Variants in ABI3BP observed in about 807,000 individuals in gnomAD.
The protein encoded by ABI3BP is ABI family member 3 binding protein, also known as target of Nesh-SH3.
In ABI3BP, 216 loss-of-function variants were observed where a neutral mutation model predicts 268.6. The ratio of observed to expected loss-of-function variants is 0.80; its 90% confidence interval spans 0.72 to 0.90. The LOEUF (loss-of-function observed/expected upper bound fraction) is 0.90. ABI3BP is among the 40% of genes least tolerant of loss of function. The pLI is 0.00. For missense variants in ABI3BP, 2,090 were observed against 2,182.4 expected (o/e 0.96, Z 0.84); for synonymous variants, 730 against 730.0 (o/e 1.00, Z 0.00).
Position 100,816,720 on chromosome 3 carries a change from G to A in ABI3BP, c.3197C>T (p.Thr1066Ile). The part of the protein sequence containing the change: ...TRRPRPRPKT[T>I]SSPEVPQNKS... Reference sequence around the variant, plus strand: ...GTTCTGAGGTACTTCAGGACTTGATGTAGTTTTGGGTCTGGGACGGGGACG... The same window carrying A: ...GTTCTGAGGTACTTCAGGACTTGATATAGTTTTGGGTCTGGGACGGGGACG... The change falls in exon 43 of 68, where the codon ACA becomes ATA. Residue 1066 changes from threonine to isoleucine, a missense_variant. By Grantham distance (89) the Thr-to-Ile change is moderately conservative. Coordinates refer to ENST00000471714, the MANE Select transcript of ABI3BP (RefSeq NM_001375547.2). 1.3e-6 allele frequency: 2 copies of A among 1,535,908 alleles called. No homozygotes were observed. The highest frequency in any genetic ancestry group is 8.7e-7 in the Non-Finnish European group (1 of 1,146,706).
In ABI3BP at chr3:100,850,061, C is replaced by A. The variant is rs371317823; in HGVS notation, c.1485G>T (p.Met495Ile). Reference protein sequence around the residue: ...QKLEIFTSPEMQPTTPAPQQT... With the variant: ...QKLEIFTSPEIQPTTPAPQQT... ...ATTAGTTACCAGGTGTCGTAGGCTG[C>A]ATTTCTGGACTGGTAAAGATTTCCA... Residue 495 changes from methionine to isoleucine, a missense_variant, in exon 17 of 68, where the codon ATG becomes ATT. Coordinates refer to ENST00000471714, the MANE Select transcript of ABI3BP (RefSeq NM_001375547.2). 5 of 1,611,322 alleles carry A rather than the reference C, an allele frequency of 3.1e-6. No individual in the cohort carries two copies. Among genetic ancestry groups the A allele is most frequent in the Non-Finnish European group, 4.2e-6 (5 of 1,178,928 alleles).
At chr3:100,956,718 G>C (rs1375582554) in intron 1 of ABI3BP, among the ~76,000 whole-genome samples, 2 of 152,174 alleles carry the variant, frequency 1.3e-5, no homozygotes, top group Admixed American at 6.5e-5. Flanking sequence ...GTGGGAAGGG[G>C]CACAATCTTT....
intron 4 of ABI3BP, among the ~76,000 whole-genome samples, chr3:100,894,371 C>T (rs182064217): frequency 1.3e-5 from 2 of 152,204 alleles, no homozygotes; most frequent in Admixed American, 1.3e-4. Flanking sequence ...GTTGATATCT[C>T]ACTGGTTATT....
At chr3:100,952,884 A>G (rs1280043277) in intron 1 of ABI3BP, among the ~76,000 whole-genome samples, 1 of 152,184 alleles carries the variant, frequency 6.6e-6, no homozygotes, top group Admixed American at 6.5e-5. Context: ...TATGTATTCT[A>G]GATGAAGTTT....
rs561769581 is a variant in ABI3BP, at chr3:100,787,906, A to G, written c.4088-104T>C. ...TTGAAAGTCATTTAGGCAATAAAAA[A>G]GATGACTTACCAAAAATATTATTCA... On this transcript the variant is annotated intron_variant, in intron 56 of 67. Transcript: ENST00000471714. The G allele has an allele frequency of 6.2e-4, 444 of 717,396 alleles. 3 individuals carry two copies. The highest frequency in any genetic ancestry group is 4.1e-3 in the East Asian group (139 of 33,826). The allele number at this position is 717,396 out of a possible 1,614,324, so 44.4% of individuals were successfully genotyped here.
In ABI3BP at chr3:100,749,220, T is replaced by TAAC. The variant is rs1195456985; in HGVS notation, c.*1274_*1275insGTT. The TAAC allele has an allele frequency of 1.6e-4, 5 of 30,558 alleles. No homozygotes were observed. In the Admixed American group the frequency reaches 2.7e-3, roughly 16 times the overall value. The allele number at this position is 30,558 out of a possible 1,614,324, so 1.9% of individuals were successfully genotyped here. A position where few individuals can be genotyped will look rare whatever the true frequency, so the allele number is the denominator to read the frequency against. ...GTTAATTTAGGACATAAACAAACAGTAGATATAATGGGGGTTGGTAGAGCC... is the reference window on the plus strand; with the variant it reads ...GTTAATTTAGGACATAAACAAACAGTAACAGATATAATGGGGGTTGGTAGAGCC... On this transcript the variant is annotated 3_prime_UTR_variant, in exon 68 of 68. Transcript: ENST00000471714.
chr3:100,879,323 T>C (rs149238698), intron 6 of ABI3BP, among the ~76,000 whole-genome samples: 1 of 152,332 alleles, frequency 6.6e-6, no homozygotes, highest in African/African-American at 2.4e-5. Context: ...CCAATAATCA[T>C]TTTTGTTCAG....
intron 62 of ABI3BP, 69 bp downstream of exon 62, chr3:100,770,674 G>A: frequency 7.3e-7 from 1 of 1,362,158 alleles, no homozygotes; most frequent in South Asian, 2.1e-5. Context: ...TTGACCCAGG[G>A]TACCCCACTC....
chr3:100,944,820 A>C (rs188781926), intron 1 of ABI3BP, among the ~76,000 whole-genome samples: 40 of 152,280 alleles, frequency 2.6e-4, no homozygotes, highest in Non-Finnish European at 4.1e-4. Flanking sequence ...GAAATGGCTA[A>C]ACTTATCCTG....
In ABI3BP at chr3:100,906,117, T is replaced by C. The variant is rs148975115; in HGVS notation, c.260-3431A>G. On this transcript the variant is annotated intron_variant, in intron 2 of 67. Transcript: ENST00000471714. ...CTCACTCTAGCAGAGTCTCTTAGAGTTAACCTTTTAGATTCTTCCTTCATA... is the reference window on the plus strand; with the variant it reads ...CTCACTCTAGCAGAGTCTCTTAGAGCTAACCTTTTAGATTCTTCCTTCATA... Among the ~76,000 whole-genome samples, 9 of 152,318 alleles carry C rather than the reference T, an allele frequency of 5.9e-5. No individual in the cohort carries two copies. The Middle Eastern group carries it at 0.01, about 173-fold the overall frequency.
At chr3:100,752,561 G>T in intron 66 of ABI3BP, 1 of 441,470 alleles carries the variant, frequency 2.3e-6, no homozygotes, top group Non-Finnish European at 4.1e-6. Flanking sequence ...TTGTCATGAT[G>T]GCACTGTTTT....
At chr3:100,984,042 C>T (rs1051183487) in intron 1 of ABI3BP, among the ~76,000 whole-genome samples, 6 of 152,018 alleles carry the variant, frequency 3.9e-5, no homozygotes. Flanking sequence ...ACTCTGTACT[C>T]ATCAAGAAAG....
intron 1 of ABI3BP, among the ~76,000 whole-genome samples, chr3:100,960,772 A>T (rs776967390): frequency 6.6e-6 from 1 of 152,228 alleles, no homozygotes. Context: ...AATGACTTCC[A>T]GCCAATAGTC....
At chr3:100,903,751 T>G (rs1470972013) in intron 2 of ABI3BP, among the ~76,000 whole-genome samples, 1 of 152,216 alleles carries the variant, frequency 6.6e-6, no homozygotes, top group Non-Finnish European at 1.5e-5. Flanking sequence ...CAACTCAACT[T>G]CTCTTAGTAA....
At chr3:100,965,248 C>T (rs1268887871) in intron 1 of ABI3BP, among the ~76,000 whole-genome samples, 1 of 152,118 alleles carries the variant, frequency 6.6e-6, no homozygotes, top group Admixed American at 6.5e-5. Flanking sequence ...ATCTCAAATG[C>T]CATCTTTTTC....
At chr3:100,812,564 G>A in intron 45 of ABI3BP, 41 bp from the exon 46 acceptor site, 1 of 1,241,248 alleles carries the variant, frequency 8.1e-7, no homozygotes, top group Non-Finnish European at 1.0e-6. Flanking sequence ...TAAAGGATAG[G>A]TTGTAAGTAT....
intron 56 of ABI3BP, among the ~76,000 whole-genome samples, chr3:100,788,419 G>A (rs904191982): frequency 7.2e-5 from 11 of 152,214 alleles, no homozygotes; most frequent in African/African-American, 2.6e-4. Context: ...TAAGTGTACT[G>A]TGCTTATGTG....
At chr3:100,881,979 G>T (rs2039515897) in intron 6 of ABI3BP, among the ~76,000 whole-genome samples, 1 of 152,086 alleles carries the variant, frequency 6.6e-6, no homozygotes, top group South Asian at 2.1e-4. Flanking sequence ...TAACCAGAAG[G>T]GTAGGATGGG....
chr3:100,751,803 G>A (rs2095343372), intron 66 of ABI3BP, 129 bp from the exon 67 acceptor site: 2 of 891,462 alleles, frequency 2.2e-6, no homozygotes, highest in East Asian at 3.0e-5. Context: ...AACCAACAAT[G>A]TTTCTTGCCT....
Sources: allele counts gnomAD v4.1 joint callset (sites outside exome capture counted in the v4.1 genomes callset), GRCh38; gene constraint gnomAD v4.1.1; transcripts MANE v1.5; gene names NCBI Gene and HGNC (gene_info 2026-07-23, HGNC 2026-07-21).